The following TLN2 variants were observed in gnomAD, a reference collection of about 807,000 sequenced individuals.
The protein encoded by TLN2 is talin 2, also known as talin-2.
TLN2 carries 118 observed loss-of-function variants against 294.7 expected under a neutral mutation model. That is an observed-to-expected ratio of 0.40 (90% confidence interval 0.34 to 0.47). The LOEUF is 0.47. Ranked by LOEUF, TLN2 falls within the 20% of genes least tolerant of loss-of-function variation. TLN2 has a pLI of 0.84. For synonymous variants in TLN2, 1,431 were observed against 1,304.5 expected, an observed-to-expected ratio of 1.10 and a Z score of -2.09; for missense variants, 3,083 against 3,282.2, an observed-to-expected ratio of 0.94 and a Z score of 1.48.
intron 1 of TLN2, among the ~76,000 whole-genome samples, chr15:62,578,905 C>G (rs549021667): frequency 6.6e-6 from 1 of 152,140 alleles, no homozygotes; most frequent in African/African-American, 2.4e-5. Flanking sequence ...TATTCCTTCT[C>G]TGTGTAGTCT....
intron 43 of TLN2, among the ~76,000 whole-genome samples, chr15:62,778,503 G>A (rs1273559238): frequency 1.3e-5 from 2 of 152,302 alleles, no homozygotes; most frequent in African/African-American, 4.8e-5. Context: ...ATATTTTTCA[G>A]TACCACTCAA....
intron 32 of TLN2, among the ~76,000 whole-genome samples, chr15:62,744,113 C>T (rs574233782): frequency 1.4e-4 from 21 of 152,216 alleles, no homozygotes; most frequent in Admixed American, 6.5e-4. Context: ...CAGGATGTCA[C>T]TCAGCCCTGA....
At chr15:62,755,488 C>T (rs773828540) in intron 36 of TLN2, 44 bp from the exon 37 acceptor site, 3 of 1,603,100 alleles carry the variant, frequency 1.9e-6, no homozygotes, top group Non-Finnish European at 2.6e-6. Context: ...GACCCCTCTG[C>T]ACTGTAGCAT....
chr15:62,452,895 G>T (rs2036242629), intron 1 of TLN2, among the ~76,000 whole-genome samples: 1 of 152,052 alleles, frequency 6.6e-6, no homozygotes, highest in Non-Finnish European at 1.5e-5. Context: ...GGCTCTCGAA[G>T]TTTGCTTCCA....
intron 27 of TLN2, 79 bp from the exon 28 acceptor site, chr15:62,727,008 G>C (rs1177662786): frequency 1.4e-6 from 2 of 1,447,790 alleles, no homozygotes; most frequent in African/African-American, 2.8e-5. Context: ...TGATCTGCAT[G>C]ATTTTTCTAA....
intron 20 of TLN2, among the ~76,000 whole-genome samples, chr15:62,707,703 A>G (rs1354154526): frequency 6.6e-6 from 1 of 152,150 alleles, no homozygotes; most frequent in African/African-American, 2.4e-5. Flanking sequence ...ACCTCATTAC[A>G]TCTCCCCGGT....
intron 42 of TLN2, among the ~76,000 whole-genome samples, chr15:62,772,990 A>C (rs1271170709): frequency 6.6e-6 from 1 of 151,954 alleles, no homozygotes; most frequent in Non-Finnish European, 1.5e-5. Context: ...ACATTAACAC[A>C]TCTGCTTGGA....
chr15:62,723,538 CTT>C (rs555674609), intron 26 of TLN2, among the ~76,000 whole-genome samples: 4 of 107,204 alleles, frequency 3.7e-5, no homozygotes. Flanking sequence ...ACTGTGAAAA[CTT>C]TTTTTTTTTT....
At chr15:62,542,021 G>A (rs1041188011) in intron 1 of TLN2, among the ~76,000 whole-genome samples, 2 of 151,848 alleles carry the variant, frequency 1.3e-5, no homozygotes, top group African/African-American at 4.8e-5. Context: ...GATGCAAAGA[G>A]TGTTTATTTA....
chr15:62,811,155 T>C (rs1020797284), intron 52 of TLN2, among the ~76,000 whole-genome samples: 3 of 152,190 alleles, frequency 2.0e-5, no homozygotes, highest in Admixed American at 2.0e-4. Context: ...ATGCTAAACA[T>C]TTTAGGTCAT....
At position 62,802,411 on chromosome 15, in the gene TLN2, T is replaced by TACACAC. The variant is rs60573464; in HGVS notation, c.6477+1664_6477+1669dup. Reference sequence around the variant, plus strand: ...ATGAATGGACACACATATACAATGGTACACACACACACACACACACACACA... The same window carrying TACACAC: ...ATGAATGGACACACATATACAATGGTACACACACACACACACACACACACACACACA... On this transcript the variant is annotated intron_variant, in intron 50 of 58. Transcript: ENST00000636159. 2.9e-3 allele frequency among the ~76,000 whole-genome samples: 430 copies of TACACAC among 149,832 alleles called. 3 individuals carry two copies. The highest frequency in any genetic ancestry group is 8.5e-3 in the African/African-American group (346 of 40,638).
chr15:62,392,946 C>T (rs2032221319), intron 1 of TLN2, among the ~76,000 whole-genome samples: 1 of 151,738 alleles, frequency 6.6e-6, no homozygotes, highest in South Asian at 2.1e-4. Flanking sequence ...CAGAGGATGG[C>T]GGTGGGTGTG....
chr15:62,619,259 C>T (rs1052245877), intron 3 of TLN2, among the ~76,000 whole-genome samples: 1 of 152,214 alleles, frequency 6.6e-6, no homozygotes, highest in Non-Finnish European at 1.5e-5. Flanking sequence ...GATGACACAG[C>T]TCTGCTCTGT....
rs566680236 is a variant in TLN2, at chr15:62,564,160, C to T, written c.-237-25527C>T. 3.3e-5 allele frequency among the ~76,000 whole-genome samples: 5 copies of T among 152,324 alleles called. No individual in the cohort carries two copies. In the South Asian group the frequency reaches 1.0e-3, roughly 32 times the overall value. ...CTCTGCACTGTGCAACTCTGTTTTA[C>T]ACATGAGGGAATGGAGACTCAGAAT... On this transcript the variant is annotated intron_variant, in intron 1 of 58. Transcript: ENST00000636159.
rs1301152660 is a variant in TLN2, at chr15:62,841,715, T to A, written c.*1105T>A. The A allele has an allele frequency of 6.6e-6, 1 of 152,206 alleles. No homozygotes were observed. Among genetic ancestry groups the A allele is most frequent in the African/African-American group, 2.4e-5 (1 of 41,444 alleles). The allele number at this position is 152,206 out of a possible 1,614,324, so 9.4% of individuals were successfully genotyped here. A position where few individuals can be genotyped will look rare whatever the true frequency, so the allele number is the denominator to read the frequency against. ...TGTTTTCATTTTCTGGATGTCACAC[T>A]TCCAGAATTTCATATTTTTCCCCTC... is the stretch of plus-strand genomic sequence containing the variant. On this transcript the variant is annotated 3_prime_UTR_variant, in exon 59 of 59. Transcript: ENST00000636159.
intron 26 of TLN2, among the ~76,000 whole-genome samples, chr15:62,724,647 T>C (rs1051191178): frequency 3.9e-5 from 6 of 152,216 alleles, no homozygotes; most frequent in African/African-American, 1.4e-4. Flanking sequence ...ATGGCTGTGC[T>C]AGGTGCCCTA....
chr15:62,823,387 C>T (rs2067749445), intron 54 of TLN2, among the ~76,000 whole-genome samples: 2 of 152,136 alleles, frequency 1.3e-5, no homozygotes, highest in African/African-American at 4.8e-5. Context: ...CAAAATCAGC[C>T]AGTCTTTTGA....
chr15:62,814,100 G>T (rs2066896499), intron 52 of TLN2, among the ~76,000 whole-genome samples: 1 of 152,118 alleles, frequency 6.6e-6, no homozygotes, highest in Non-Finnish European at 1.5e-5. Flanking sequence ...GAGCCACCAG[G>T]CCTGGCCAAT....
Position 62,487,489 on chromosome 15 carries a change from G to A in TLN2, c.-238+96804G>A, listed in dbSNP as rs568344039. Among the ~76,000 whole-genome samples the A allele has an allele frequency of 2.6e-5, 4 of 152,206 alleles. No individual in the cohort carries two copies. In the East Asian group the frequency reaches 7.7e-4, roughly 29 times the overall value. On this transcript the variant is annotated intron_variant, in intron 1 of 58. Transcript: ENST00000636159. The stretch of plus-strand genomic sequence containing the variant: ...TTGTTTACAAATGCCCAATTGTTGG[G>A]CATTTGACCTTGCTGACCCGCAGAC...
Sources: allele counts gnomAD v4.1 joint callset (sites outside exome capture counted in the v4.1 genomes callset), GRCh38; gene constraint gnomAD v4.1.1; transcripts MANE v1.5; gene names NCBI Gene and HGNC (gene_info 2026-07-23, HGNC 2026-07-21).